The following CAMSAP2 variants were observed in gnomAD, a reference collection of about 807,000 sequenced individuals.
The protein encoded by CAMSAP2 is calmodulin regulated spectrin associated protein family member 2.
A neutral mutation model predicts 146.1 loss-of-function variants in CAMSAP2; 26 were observed. The observed-to-expected ratio is 0.18, with a 90% CI of 0.13 to 0.25. CAMSAP2 has a LOEUF of 0.25. CAMSAP2 is among the 10% of genes least tolerant of loss of function. The pLI, the probability that CAMSAP2 is intolerant of heterozygous loss-of-function variation, is 1.00. For synonymous variants in CAMSAP2, 499 were observed against 596.6 expected (o/e 0.84, Z 2.38); for missense variants, 1,381 against 1,759.3 (o/e 0.78, Z 3.85).
At chr1:200,856,170 C>A in intron 15 of CAMSAP2, 45 bp downstream of exon 15, 1 of 1,391,956 alleles carries the variant, frequency 7.2e-7, no homozygotes, top group Non-Finnish European at 1.0e-6. Context: ...ATTTAACACA[C>A]TCATAAATGG....
At chr1:200,776,953 G>GC (rs1300889773) in intron 2 of CAMSAP2, among the ~76,000 whole-genome samples, 1 of 152,150 alleles carries the variant, frequency 6.6e-6, no homozygotes, top group African/African-American at 2.4e-5. Context: ...ACAGGTGCTT[G>GC]CCTCAAGGCC....
At chr1:200,786,500 C>T (rs908477143) in intron 2 of CAMSAP2, among the ~76,000 whole-genome samples, 10 of 152,114 alleles carry the variant, frequency 6.6e-5, no homozygotes, top group African/African-American at 2.2e-4. Flanking sequence ...TCTCCATCCT[C>T]AGCCTCCTGA....
At position 200,857,662 on chromosome 1, in the gene CAMSAP2, T is replaced by A. The variant is rs1417402939; in HGVS notation, c.4132-92T>A. 8 of 1,133,326 alleles carry A rather than the reference T, an allele frequency of 7.1e-6. No homozygotes were observed. The highest frequency in any genetic ancestry group is 1.0e-5 in the Non-Finnish European group (8 of 803,486). The allele number at this position is 1,133,326 out of a possible 1,614,324, so 70.2% of individuals were successfully genotyped here. ...TTGAAATAATGTTATAAAATGTGAC[T>A]AAGAAACGTAACATAATTATATAAA... On this transcript the variant is annotated intron_variant, in intron 16 of 16. Transcript: ENST00000358823. This position sits in a 1 kb window ranked among gnomAD's most constrained non-coding sequence, Gnocchi z 4.7.
At chr1:200,823,827 C>G (rs1666835226) in intron 4 of CAMSAP2, among the ~76,000 whole-genome samples, 1 of 152,222 alleles carries the variant, frequency 6.6e-6, no homozygotes, top group African/African-American at 2.4e-5. Flanking sequence ...CTTGCATATA[C>G]TATTGGGGAT....
At chr1:200,787,096 G>C (rs1240377700) in intron 2 of CAMSAP2, among the ~76,000 whole-genome samples, 1 of 152,106 alleles carries the variant, frequency 6.6e-6, no homozygotes, top group Non-Finnish European at 1.5e-5. Context: ...GTGATGGAGA[G>C]GGACAAGGGC....
chr1:200,779,155 A>T (rs1665365472), intron 2 of CAMSAP2, among the ~76,000 whole-genome samples: 1 of 152,166 alleles, frequency 6.6e-6, no homozygotes, highest in East Asian at 1.9e-4. Flanking sequence ...CTATACCATG[A>T]TTTTTGAAGG....
At chr1:200,791,127 G>A (rs1203865377) in intron 2 of CAMSAP2, among the ~76,000 whole-genome samples, 1 of 152,218 alleles carries the variant, frequency 6.6e-6, no homozygotes, top group East Asian at 1.9e-4. Context: ...TTACAGGCGT[G>A]AGCCACTGCA....
At chr1:200,814,467 G>A (rs550485533) in intron 3 of CAMSAP2, among the ~76,000 whole-genome samples, 22 of 151,666 alleles carry the variant, frequency 1.5e-4, no homozygotes, top group East Asian at 1.4e-3. Flanking sequence ...AAAATTAGCC[G>A]GGCATGATGG....
At chr1:200,763,288 C>T (rs1664850218) in intron 2 of CAMSAP2, among the ~76,000 whole-genome samples, 1 of 152,104 alleles carries the variant, frequency 6.6e-6, no homozygotes, top group Admixed American at 6.5e-5. Context: ...CCTGTAATCC[C>T]AGCACTTTGG....
chr1:200,832,551 C>G lies in CAMSAP2; in HGVS notation c.788-155C>G, dbSNP rs2102217290. Among the ~76,000 whole-genome samples, 1 of 151,990 alleles carries G rather than the reference C, an allele frequency of 6.6e-6. No individual in the cohort carries two copies. The highest frequency in any genetic ancestry group is 1.9e-4 in the East Asian group (1 of 5,186). Reference sequence around the variant, plus strand: ...GGAGGTAGTTCAAAAAAAAATAGTGCTCGGTTTCTAAGTCTTAATGTATAA... The same window carrying G: ...GGAGGTAGTTCAAAAAAAAATAGTGGTCGGTTTCTAAGTCTTAATGTATAA... On this transcript the variant is annotated intron_variant, in intron 5 of 16. Coordinates refer to ENST00000358823, the MANE Select transcript of CAMSAP2 (RefSeq NM_203459.4). This position sits in a 1 kb window ranked among gnomAD's most constrained non-coding sequence, Gnocchi z 4.2.
intron 4 of CAMSAP2, among the ~76,000 whole-genome samples, chr1:200,831,807 C>T (rs1667050996): frequency 6.6e-6 from 1 of 151,918 alleles, no homozygotes; most frequent in African/African-American, 2.4e-5. Context: ...AGTATTCTTG[C>T]TCTTCCCGTA....
intron 14 of CAMSAP2, 116 bp from the exon 15 acceptor site, chr1:200,855,894 C>A: frequency 1.4e-6 from 1 of 690,618 alleles, no homozygotes; most frequent in East Asian, 2.6e-5. Context: ...CGCGCCCGGC[C>A]TTATCATATT....
At position 200,853,411 on chromosome 1, in the gene CAMSAP2, G is replaced by A; in HGVS notation, c.3739G>A (p.Val1247Ile). 1 of 1,613,892 alleles carries A rather than the reference G, an allele frequency of 6.2e-7. No individual in the cohort carries two copies. The highest frequency in any genetic ancestry group is 1.3e-5 in the African/African-American group (1 of 75,044). The change falls in exon 13 of 17, where the codon GTA becomes ATA. Residue 1247 changes from valine to isoleucine, a missense_variant. Physicochemically the swap from Val to Ile is conservative, Grantham distance 29 (BLOSUM62 3). This residue lies in a region of CAMSAP2 where 560 missense variants were observed against 715.9 expected (regional missense o/e 0.78). Coordinates refer to ENST00000358823, the MANE Select transcript of CAMSAP2 (RefSeq NM_203459.4). This position sits in a 1 kb window ranked among gnomAD's most constrained non-coding sequence, Gnocchi z 5.1. ...MDTVIKPRPQ[V>I]VKQKKQRPKS... ...TACAGTAATTAAACCCCGTCCTCAA[G>A]TAGTAAAACAAAAAAAACAGCGACC...
At chr1:200,782,070 T>C (rs1044514598) in intron 2 of CAMSAP2, among the ~76,000 whole-genome samples, 7 of 152,206 alleles carry the variant, frequency 4.6e-5, no homozygotes, top group African/African-American at 9.6e-5. Flanking sequence ...ATTATTGTAA[T>C]AAAATGATTC....
At position 200,740,204 on chromosome 1, in the gene CAMSAP2, A is replaced by G. The variant is rs544458088; in HGVS notation, c.139+238A>G. Among the ~76,000 whole-genome samples, 5 of 152,172 alleles carry G rather than the reference A, an allele frequency of 3.3e-5. No individual in the cohort carries two copies. The South Asian group carries it at 1.0e-3, about 32-fold the overall frequency. On this transcript the variant is annotated intron_variant, in intron 1 of 16. Transcript: ENST00000358823. ...GCCAGATTCCTTTTATTGGATGGCAAAATGTCCCCCCCATCCCCCAGTGAG... is the reference window on the plus strand; with the variant it reads ...GCCAGATTCCTTTTATTGGATGGCAGAATGTCCCCCCCATCCCCCAGTGAG...
chr1:200,771,629 C>A (rs966150711), intron 2 of CAMSAP2, among the ~76,000 whole-genome samples: 1 of 152,146 alleles, frequency 6.6e-6, no homozygotes, highest in Non-Finnish European at 1.5e-5. Flanking sequence ...ATGTCTATGC[C>A]TCTCACTTTG....
intron 3 of CAMSAP2, among the ~76,000 whole-genome samples, chr1:200,813,948 AAAAAC>A (rs1666403285): frequency 6.6e-6 from 1 of 151,758 alleles, no homozygotes; most frequent in African/African-American, 2.4e-5. Context: ...AAACAAAACA[AAAAAC>A]AAAAATTAGC....
At chr1:200,774,042 A>G (rs148991527) in intron 2 of CAMSAP2, among the ~76,000 whole-genome samples, 2 of 152,350 alleles carry the variant, frequency 1.3e-5, no homozygotes, top group African/African-American at 4.8e-5. Flanking sequence ...GTATAGTGCT[A>G]TAGAACAGTG....
chr1:200,772,015 T>G (rs913038856), intron 2 of CAMSAP2, among the ~76,000 whole-genome samples: 4 of 152,166 alleles, frequency 2.6e-5, no homozygotes, highest in African/African-American at 9.7e-5. Context: ...CATTGACCAT[T>G]TTTACTCACT....
Sources: allele counts gnomAD v4.1 joint callset (sites outside exome capture counted in the v4.1 genomes callset), GRCh38; gene constraint gnomAD v4.1.1; regional missense constraint gnomAD v4.1.1; non-coding constraint Gnocchi (gnomAD v3.1); transcripts MANE v1.5; gene names NCBI Gene and HGNC (gene_info 2026-07-23, HGNC 2026-07-21).